The following NELL1 variants were observed in gnomAD, a reference collection of about 807,000 sequenced individuals.
NELL1 encodes neural EGFL like 1.
NELL1 carries 76 observed loss-of-function variants against 107.4 expected under a neutral mutation model. That is an observed-to-expected ratio of 0.71 (90% CI 0.59 to 0.86). The LOEUF is 0.86. Among genes scored for constraint, NELL1 ranks in the 40% least tolerant of loss-of-function variants. NELL1 has a pLI of 0.00. For synonymous variants in NELL1, 353 were observed against 341.2 expected (o/e 1.03, Z -0.38); for missense variants, 1,024 against 1,005.5 (o/e 1.02, Z -0.25).
chr11:21,320,572 T>C (rs1399465689), intron 14 of NELL1, among the ~76,000 whole-genome samples: 1 of 152,172 alleles, frequency 6.6e-6, no homozygotes, highest in Non-Finnish European at 1.5e-5. Flanking sequence ...TGATTCCTAT[T>C]TGACAGATGA....
At chr11:21,055,782 C>G in intron 12 of NELL1, among the ~76,000 whole-genome samples, 1 of 152,128 alleles carries the variant, frequency 6.6e-6, no homozygotes, top group Non-Finnish European at 1.5e-5. Context: ...CTTTCATTTT[C>G]TATTCCTATA....
intron 15 of NELL1, among the ~76,000 whole-genome samples, chr11:21,526,147 C>T (rs1412402939): frequency 7.9e-5 from 12 of 152,166 alleles, no homozygotes; most frequent in Non-Finnish European, 1.8e-4. Flanking sequence ...TGGGTAAATA[C>T]ACTAATGTGG....
intron 12 of NELL1, among the ~76,000 whole-genome samples, chr11:21,028,026 T>C (rs1852860443): frequency 6.6e-6 from 1 of 152,166 alleles, no homozygotes; most frequent in African/African-American, 2.4e-5. Flanking sequence ...CAAGAATATG[T>C]CCCCATACTC....
chr11:20,849,334 T>A (rs1848756072), intron 4 of NELL1, among the ~76,000 whole-genome samples: 2 of 152,236 alleles, frequency 1.3e-5, no homozygotes, highest in Admixed American at 1.3e-4. Context: ...CCTGACATTC[T>A]TCTCTCTGGA....
intron 2 of NELL1, among the ~76,000 whole-genome samples, chr11:20,719,027 G>A (rs1419244928): frequency 6.6e-6 from 1 of 152,198 alleles, no homozygotes; most frequent in African/African-American, 2.4e-5. Context: ...AGCTGGCCTC[G>A]AAAGCATCTT....
chr11:20,824,222 TTC>T (rs1197869837), intron 3 of NELL1, among the ~76,000 whole-genome samples: 1 of 151,246 alleles, frequency 6.6e-6, no homozygotes, highest in East Asian at 1.9e-4. Flanking sequence ...ACGTATTTGC[TTC>T]TCCTTCTGCC....
At chr11:21,174,592 T>C (rs1200162696) in intron 13 of NELL1, among the ~76,000 whole-genome samples, 1 of 151,740 alleles carries the variant, frequency 6.6e-6, no homozygotes, top group Non-Finnish European at 1.5e-5. Context: ...GAAAAACTGC[T>C]ACAGTTATGG....
chr11:20,754,354 A>G (rs1223826655), intron 2 of NELL1, among the ~76,000 whole-genome samples: 2 of 152,184 alleles, frequency 1.3e-5, no homozygotes, highest in Non-Finnish European at 2.9e-5. Context: ...AACATATCCT[A>G]AGAATGTTGA....
At chr11:21,561,703 G>A (rs1856854249) in intron 17 of NELL1, among the ~76,000 whole-genome samples, 1 of 151,992 alleles carries the variant, frequency 6.6e-6, no homozygotes, top group Non-Finnish European at 1.5e-5. Context: ...TAGGTAACTG[G>A]TAATCTAACT....
At chr11:20,806,503 C>T (rs530529454) in intron 3 of NELL1, among the ~76,000 whole-genome samples, 7 of 152,150 alleles carry the variant, frequency 4.6e-5, no homozygotes, top group East Asian at 1.9e-4. Context: ...TTACTAAATG[C>T]CTTGAGGTTG....
intron 4 of NELL1, among the ~76,000 whole-genome samples, chr11:20,859,357 C>G (rs1848937104): frequency 6.6e-6 from 1 of 152,172 alleles, no homozygotes; most frequent in African/African-American, 2.4e-5. Context: ...CTCCCTCTTT[C>G]CTGGAATTTG....
Position 21,468,291 on chromosome 11 carries a change from G to C in NELL1, c.1646-66083G>C, listed in dbSNP as rs12805476. 1.4e-3 allele frequency among the ~76,000 whole-genome samples: 210 copies of C among 152,094 alleles called. 1 individual carries two copies. Among genetic ancestry groups the C allele is most frequent in the Admixed American group, 2.4e-3 (36 of 15,256 alleles). ...ATGCTTTGTTACCCAAACATTAAAAGTGTTTTAAGTTGCTTATGGCTTTTA... is the reference window on the plus strand; with the variant it reads ...ATGCTTTGTTACCCAAACATTAAAACTGTTTTAAGTTGCTTATGGCTTTTA... On this transcript the variant is annotated intron_variant, in intron 15 of 19. Transcript: ENST00000357134.
chr11:21,252,328 T>C (rs910615405), intron 14 of NELL1, among the ~76,000 whole-genome samples: 2 of 152,080 alleles, frequency 1.3e-5, no homozygotes, highest in African/African-American at 4.8e-5. Flanking sequence ...AACATTGGTT[T>C]TGGGGGCAGG....
chr11:21,522,563 G>A (rs952604723), intron 15 of NELL1, among the ~76,000 whole-genome samples: 6 of 152,044 alleles, frequency 3.9e-5, no homozygotes, highest in African/African-American at 1.4e-4. Flanking sequence ...GACTCTGAAG[G>A]TGTGCGGGGT....
intron 15 of NELL1, among the ~76,000 whole-genome samples, chr11:21,460,338 A>G (rs540226123): frequency 2.0e-5 from 3 of 152,218 alleles, no homozygotes; most frequent in Admixed American, 2.0e-4. Flanking sequence ...GACAGAGCTA[A>G]CTAAGCCCTA....
chr11:21,162,825 C>T (rs1004979078), intron 13 of NELL1, among the ~76,000 whole-genome samples: 1 of 152,164 alleles, frequency 6.6e-6, no homozygotes, highest in Admixed American at 6.5e-5. Flanking sequence ...GTTCGGTATA[C>T]ACTCTTTGTG....
chr11:20,724,789 C>A (rs886629600), intron 2 of NELL1, among the ~76,000 whole-genome samples: 2 of 152,158 alleles, frequency 1.3e-5, no homozygotes, highest in African/African-American at 4.8e-5. Flanking sequence ...ATCTTTATAG[C>A]AGTACCCCAC....
chr11:21,543,714 G>A (rs540367674), intron 16 of NELL1, among the ~76,000 whole-genome samples: 1 of 152,010 alleles, frequency 6.6e-6, no homozygotes, highest in South Asian at 2.1e-4. Flanking sequence ...TAGCATGTGG[G>A]CTAAATTGGA....
chr11:21,059,465 T>C (rs1186327673), intron 12 of NELL1, among the ~76,000 whole-genome samples: 2 of 152,126 alleles, frequency 1.3e-5, no homozygotes, highest in Non-Finnish European at 2.9e-5. Flanking sequence ...GAATCTTTGC[T>C]CTTCTCTTGG....
Sources: gnomAD v4.1 joint callset for allele counts (sites outside exome capture counted in the v4.1 genomes callset) on GRCh38, gnomAD v4.1.1 for gene constraint, MANE v1.5 for transcripts, NCBI Gene and HGNC (gene_info 2026-07-23, HGNC 2026-07-21) for gene names.